The following C5orf22 variants were observed in gnomAD, a reference collection of about 807,000 sequenced individuals.
The protein encoded by C5orf22 is UPF0489 protein C5orf22.
Under a neutral mutation model 48.7 loss-of-function variants are expected in C5orf22, and 36 were observed. That is an observed-to-expected ratio of 0.74 (90% CI 0.57 to 0.98). The LOEUF (loss-of-function observed/expected upper bound fraction) is 0.98. Among genes scored for constraint, C5orf22 ranks in the 50% least tolerant of loss-of-function variants. C5orf22 has a pLI of 0.00. For missense variants in C5orf22, 486 were observed against 521.9 expected, an observed-to-expected ratio of 0.93 and a Z score of 0.67; for synonymous variants, 141 against 180.8, an observed-to-expected ratio of 0.78 and a Z score of 1.76.
Position 31,538,538 on chromosome 5 carries a change from C to G in C5orf22, c.656C>G (p.Ser219Ter), listed in dbSNP as rs1487722467. 9 of 1,614,014 alleles carry G rather than the reference C, an allele frequency of 5.6e-6. No individual in the cohort carries two copies. The highest frequency in any genetic ancestry group is 7.6e-6 in the Non-Finnish European group (9 of 1,180,010). Reference sequence around the variant, plus strand: ...AGTGACCAGACTTGCCTAGAACCATCATGTTCATGTTCTTCTGAAAATCAG... The same window carrying G: ...AGTGACCAGACTTGCCTAGAACCATGATGTTCATGTTCTTCTGAAAATCAG... ...QRSDQTCLEP[S>*]CSCSSENQEC... Residue 219 changes from serine to a stop codon, truncating the protein, a stop_gained, in exon 4 of 9, where the codon TCA becomes TGA. Coordinates refer to ENST00000325366, the MANE Select transcript of C5orf22 (RefSeq NM_018356.3). LOFTEE classifies it high-confidence loss of function.
intron 6 of C5orf22, among the ~76,000 whole-genome samples, chr5:31,542,062 A>T (rs1405396735): frequency 6.6e-6 from 1 of 152,192 alleles, no homozygotes; most frequent in African/African-American, 2.4e-5. Flanking sequence ...AGAATTAAAG[A>T]TGAGTAGTAC....
At position 31,532,475 on chromosome 5, in the gene C5orf22, T is replaced by C. The variant is rs1412289209; in HGVS notation, c.81+2T>C. 1.2e-6 allele frequency: 2 copies of C among 1,612,226 alleles called. No individual in the cohort carries two copies. Among genetic ancestry groups the C allele is most frequent in the Admixed American group, 1.7e-5 (1 of 59,870 alleles). On this transcript the variant is annotated splice_donor_variant, in intron 1 of 8. Coordinates refer to ENST00000325366, the MANE Select transcript of C5orf22 (RefSeq NM_018356.3). LOFTEE classifies it high-confidence loss of function. ...TGGGTGGTGGAGGATCATCAGGAGG[T>C]GAGCGGACGGCAACAGGGCTCTGGG...
chr5:31,535,988 A>G, intron 3 of C5orf22, 95 bp downstream of exon 3: 1 of 1,255,992 alleles, frequency 8.0e-7, no homozygotes, highest in South Asian at 1.4e-5. Context: ...GCACACAAAT[A>G]GGGTCAGATT....
chr5:31,539,631 C>G (rs546989744), intron 4 of C5orf22, among the ~76,000 whole-genome samples: 71 of 152,240 alleles, frequency 4.7e-4, no homozygotes, highest in Admixed American at 9.8e-4. Context: ...ATTTGTATAG[C>G]CTAAATACCC....
At chr5:31,538,155 T>C in intron 3 of C5orf22, 105 bp from the exon 4 acceptor site, 1 of 798,640 alleles carries the variant, frequency 1.3e-6, no homozygotes, top group Non-Finnish European at 2.1e-6. Context: ...GAGACTGCTC[T>C]CAGTTTTTGT....
At chr5:31,547,585 C>T (rs570467550) in intron 7 of C5orf22, among the ~76,000 whole-genome samples, 57 of 152,350 alleles carry the variant, frequency 3.7e-4, no homozygotes, top group African/African-American at 1.2e-3. Context: ...GTTCCCAAAC[C>T]TCAATTCTTG....
chr5:31,539,403 A>G (rs1477585248), intron 4 of C5orf22, among the ~76,000 whole-genome samples: 1 of 152,238 alleles, frequency 6.6e-6, no homozygotes, highest in Non-Finnish European at 1.5e-5. Flanking sequence ...TCTTTGCTTC[A>G]GAAACAAATA....
intron 7 of C5orf22, among the ~76,000 whole-genome samples, chr5:31,546,188 T>C (rs976801334): frequency 1.3e-5 from 2 of 152,226 alleles, no homozygotes; most frequent in African/African-American, 4.8e-5. Flanking sequence ...AACAGGTATC[T>C]GAATGCTATG....
At position 31,538,616 on chromosome 5, in the gene C5orf22, G is replaced by A. The variant is rs1311493258; in HGVS notation, c.734G>A (p.Gly245Glu). Reference sequence around the variant, plus strand: ...GAAATTCTGGAAATTTTGAAGAAAGGGAAGGCATTTGTTTTAGATATTGAC... The same window carrying A: ...GAAATTCTGGAAATTTTGAAGAAAGAGAAGGCATTTGTTTTAGATATTGAC... ...TGEILEILKK[G>E]KAFVLDIDLD... Residue 245 changes from glycine to glutamate, a missense_variant, in exon 4 of 9, where the codon GGG (glycine) becomes GAG (glutamate). Coordinates refer to ENST00000325366, the MANE Select transcript of C5orf22 (RefSeq NM_018356.3). The A allele has an allele frequency of 2.5e-6, 4 of 1,613,948 alleles. 1 individual carries two copies. The South Asian group carries it at 3.3e-5, about 13-fold the overall frequency.
Position 31,532,364 on chromosome 5 carries a change from T to C in C5orf22, c.-29T>C. On this transcript the variant is annotated 5_prime_UTR_variant, in exon 1 of 9. Transcript: ENST00000325366. ...CCGGGTCTTCTCCAGCTGCCACCGCTTTACTGCAAAACTGACGGGCGCAAA... is the reference window on the plus strand; with the variant it reads ...CCGGGTCTTCTCCAGCTGCCACCGCCTTACTGCAAAACTGACGGGCGCAAA... The C allele has an allele frequency of 6.2e-7, 1 of 1,613,158 alleles. No individual in the cohort carries two copies. Among genetic ancestry groups the C allele is most frequent in the Non-Finnish European group, 8.5e-7 (1 of 1,179,298 alleles).
chr5:31,550,996 G>T (rs1347814772), intron 7 of C5orf22, among the ~76,000 whole-genome samples: 1 of 152,172 alleles, frequency 6.6e-6, no homozygotes, highest in Non-Finnish European at 1.5e-5. Flanking sequence ...ATATAGGCGA[G>T]TTCTACCAAC....
rs748228974 is a variant in C5orf22, at chr5:31,551,346, C to T, written c.1113C>T (p.Ser371=). The change falls in exon 8 of 9, where the codon AGC becomes AGT. Residue 371 remains serine, a synonymous_variant. Transcript: ENST00000325366. ...ATTCAGAACTTCCTCACCATATCAGCACAGAACAAGAAATAGAGTGTCTTA... is the reference window on the plus strand; with the variant it reads ...ATTCAGAACTTCCTCACCATATCAGTACAGAACAAGAAATAGAGTGTCTTA... ...CDYSELPHHI[S]TEQEIECLIQ... is the part of the protein sequence containing the mutation. 1.8e-5 allele frequency: 29 copies of T among 1,613,332 alleles called. 2 individuals carry two copies. The African/African-American group carries it at 1.9e-4, about 10-fold the overall frequency.
At position 31,541,360 on chromosome 5, in the gene C5orf22, G is replaced by T; in HGVS notation, c.950G>T (p.Gly317Val). ...LEATFADLCD[G>V]DDEETVQRWA... Reference sequence around the variant, plus strand: ...GCCACTTTCGCTGATTTGTGTGATGGTGATGATGAAGAAACGGTACAGAGA... The same window carrying T: ...GCCACTTTCGCTGATTTGTGTGATGTTGATGATGAAGAAACGGTACAGAGA... The change falls in exon 6 of 9, where the codon GGT becomes GTT. Residue 317 changes from glycine (G) to valine (V), a missense_variant. By Grantham distance (109) the Gly-to-Val change is moderately radical (BLOSUM62 -3). Transcript: ENST00000325366. 1.9e-6 allele frequency: 3 copies of T among 1,614,082 alleles called. No individual in the cohort carries two copies. Among genetic ancestry groups the T allele is most frequent in the Non-Finnish European group, 2.5e-6 (3 of 1,179,960 alleles).
rs759370992 is a variant in C5orf22 at position 31,538,271 on chromosome 5, C to T, written c.389C>T (p.Thr130Ile). 2.3e-5 allele frequency: 37 copies of T among 1,595,790 alleles called. No individual in the cohort carries two copies. Among genetic ancestry groups the T allele is most frequent in the Non-Finnish European group, 3.0e-5 (35 of 1,169,918 alleles). Residue 130 changes from threonine to isoleucine, a missense_variant, in exon 4 of 9, where the codon ACA becomes ATA. Physicochemically the swap from Thr to Ile is moderately conservative, Grantham distance 89 (BLOSUM62 -1). Transcript: ENST00000325366. ...TSTTTIRVTSTDHYFLSDGLY... is the reference protein window; with the variant it reads ...TSTTTIRVTSIDHYFLSDGLY... ...TTCCTCTGATTCAGGGTTACAAGTA[C>T]AGATCATTATTTCCTAAGTGATGGT... is the stretch of plus-strand genomic sequence containing the variant.
chr5:31,551,527 T>TTC, intron 8 of C5orf22, 95 bp downstream of exon 8: 1 of 971,188 alleles, frequency 1.0e-6, no homozygotes, highest in Middle Eastern at 3.3e-4. Flanking sequence ...CAAAAGGAAA[T>TTC]TCGCAGTGTG....
At chr5:31,546,255 A>T (rs1742874425) in intron 7 of C5orf22, among the ~76,000 whole-genome samples, 1 of 152,216 alleles carries the variant, frequency 6.6e-6, no homozygotes. Context: ...TCTTTGAAGC[A>T]TATATTTTCC....
In C5orf22 at chr5:31,538,341, A is replaced by ATACCATTCTTAAC. The variant is rs1742235311; in HGVS notation, c.460_461insACCATTCTTAACT (p.Leu154TyrfsTer4). The ATACCATTCTTAAC allele has an allele frequency of 6.2e-7, 1 of 1,613,936 alleles. No homozygotes were observed. The highest frequency in any genetic ancestry group is 8.5e-7 in the Non-Finnish European group (1 of 1,179,936). On this transcript the variant is annotated stop_gained and frameshift_variant, in exon 4 of 9. Coordinates refer to ENST00000325366, the MANE Select transcript of C5orf22 (RefSeq NM_018356.3). LOFTEE classifies it high-confidence loss of function. ...AGCTAGAGAACCAAAAACCTTTACA[A>ATACCATTCTTAAC]TTGGATGTAATTATGGTAAAACCTT... is the stretch of plus-strand genomic sequence containing the variant.
At position 31,541,020 on chromosome 5, in the gene C5orf22, C is replaced by T. The variant is rs775139757; in HGVS notation, c.870+9C>T. 1 of 1,598,406 alleles carries T rather than the reference C, an allele frequency of 6.3e-7. No homozygotes were observed. The highest frequency in any genetic ancestry group is 2.2e-5 in the East Asian group (1 of 44,772). On this transcript the variant is annotated intron_variant, in intron 5 of 8. Transcript: ENST00000325366. ...GCACCAACCTAACAGAGGTATCCTCCATTTGTTTCTTTGGGGTTTTATTCA... is the reference window on the plus strand; with the variant it reads ...GCACCAACCTAACAGAGGTATCCTCTATTTGTTTCTTTGGGGTTTTATTCA...
intron 3 of C5orf22, among the ~76,000 whole-genome samples, chr5:31,536,186 T>C (rs1742071524): frequency 1.3e-5 from 2 of 152,246 alleles, no homozygotes; most frequent in African/African-American, 4.8e-5. Flanking sequence ...TATAGATTTA[T>C]ACATTCAGTA....
Sources: allele counts gnomAD v4.1 joint callset (sites outside exome capture counted in the v4.1 genomes callset), GRCh38; gene constraint gnomAD v4.1.1; transcripts MANE v1.5; gene names NCBI Gene and HGNC (gene_info 2026-07-23, HGNC 2026-07-21).